The following CDYL variants were observed in gnomAD, a reference collection of about 807,000 sequenced individuals.
CDYL encodes the protein chromodomain Y like.
CDYL carries 8 observed loss-of-function variants against 47.3 expected under a neutral mutation model. That is an observed-to-expected ratio of 0.17 (90% CI 0.10 to 0.31). The LOEUF (loss-of-function observed/expected upper bound fraction) is 0.31, where lower values mean the gene tolerates loss of function less well. Ranked by LOEUF, CDYL falls within the 10% of genes least tolerant of loss-of-function variation. The probability of loss-of-function intolerance (pLI) is 1.00; values close to 1 mark genes in which losing one functional copy is unlikely to be tolerated. For missense variants in CDYL, 471 were observed against 701.4 expected, an observed-to-expected ratio of 0.67 and a Z score of 3.71; for synonymous variants, 266 against 265.0, an observed-to-expected ratio of 1.00 and a Z score of -0.04.
At chr6:4,875,592 A>G (rs917652309) in intron 1 of CDYL, among the ~76,000 whole-genome samples, 4 of 152,350 alleles carry the variant, frequency 2.6e-5, no homozygotes, top group Admixed American at 2.0e-4. Flanking sequence ...CAACTACTAT[A>G]TAAACATACA....
chr6:4,726,656 AC>A (rs1431651795), intron 2 of CDYL, among the ~76,000 whole-genome samples: 1 of 151,786 alleles, frequency 6.6e-6, no homozygotes, highest in Non-Finnish European at 1.5e-5. Flanking sequence ...AGATGGCATC[AC>A]TGCCTTCTAG....
At chr6:4,916,427 T>C (rs989771130) in intron 2 of CDYL, among the ~76,000 whole-genome samples, 1 of 152,224 alleles carries the variant, frequency 6.6e-6, no homozygotes, top group African/African-American at 2.4e-5. Flanking sequence ...CTCAAAGAAC[T>C]CATGAGATGA....
At chr6:4,788,167 C>T (rs968948390) in intron 1 of CDYL, among the ~76,000 whole-genome samples, 1 of 151,988 alleles carries the variant, frequency 6.6e-6, no homozygotes, top group Non-Finnish European at 1.5e-5. Context: ...AGGAAAGGGA[C>T]ATGACTTGGG....
At chr6:4,766,554 T>G (rs1464011362) in intron 3 of CDYL, among the ~76,000 whole-genome samples, 1 of 152,140 alleles carries the variant, frequency 6.6e-6, no homozygotes, top group Non-Finnish European at 1.5e-5. Flanking sequence ...TAATTTAAAG[T>G]CTTCCAGTAA....
chr6:4,789,476 C>G (rs998832311), intron 1 of CDYL, among the ~76,000 whole-genome samples: 4 of 152,102 alleles, frequency 2.6e-5, no homozygotes, highest in Non-Finnish European at 4.4e-5. Flanking sequence ...ATTTCTGTTT[C>G]CCTGGCCCTG....
chr6:4,922,989 C>A (rs536994876), intron 2 of CDYL, among the ~76,000 whole-genome samples: 5 of 152,142 alleles, frequency 3.3e-5, no homozygotes, highest in Admixed American at 3.3e-4. Flanking sequence ...GTACATATTA[C>A]AATTATTATG....
intron 1 of CDYL, among the ~76,000 whole-genome samples, chr6:4,818,329 A>T (rs1759731018): frequency 6.6e-6 from 1 of 152,148 alleles, no homozygotes. Flanking sequence ...TATAAATGGT[A>T]TTGATATTGT....
intron 1 of CDYL, among the ~76,000 whole-genome samples, chr6:4,864,873 C>G (rs1761275106): frequency 6.6e-6 from 1 of 152,122 alleles, no homozygotes; most frequent in South Asian, 2.1e-4. Context: ...CATGCTAAAG[C>G]TGTAAGGATA....
intron 2 of CDYL, among the ~76,000 whole-genome samples, chr6:4,908,927 G>A (rs974910627): frequency 2.6e-5 from 4 of 152,164 alleles, no homozygotes; most frequent in African/African-American, 9.7e-5. Context: ...GCTGCGTTCT[G>A]CTTACCTGGT....
chr6:4,708,948 A>C (rs1237064358), intron 1 of CDYL, among the ~76,000 whole-genome samples: 7 of 152,170 alleles, frequency 4.6e-5, no homozygotes. Context: ...CAGAGGTTGC[A>C]GTGAGCCAAG....
At chr6:4,723,672 G>A (rs1757418897) in intron 2 of CDYL, among the ~76,000 whole-genome samples, 1 of 152,156 alleles carries the variant, frequency 6.6e-6, no homozygotes, top group Admixed American at 6.5e-5. Context: ...AGAGGAAGGG[G>A]GCTTGTTGAT....
chr6:4,854,497 C>G (rs961915648), intron 1 of CDYL, among the ~76,000 whole-genome samples: 3 of 152,172 alleles, frequency 2.0e-5, no homozygotes, highest in Non-Finnish European at 4.4e-5. Flanking sequence ...GCTTGGTCAC[C>G]TGGGAGCTCT....
intron 2 of CDYL, among the ~76,000 whole-genome samples, chr6:4,903,356 G>A (rs199796030): frequency 3.3e-5 from 5 of 152,168 alleles, no homozygotes; most frequent in South Asian, 2.1e-4. Flanking sequence ...AAGACATTTC[G>A]TCCTAGTTTT....
chr6:4,940,618 T>G (rs1308195188), intron 4 of CDYL, among the ~76,000 whole-genome samples: 1 of 152,256 alleles, frequency 6.6e-6, no homozygotes, highest in South Asian at 2.1e-4. Flanking sequence ...TTCTGCACCT[T>G]TGTGGTTAGA....
intron 1 of CDYL, among the ~76,000 whole-genome samples, chr6:4,799,714 A>G (rs1422259291): frequency 6.6e-6 from 1 of 152,206 alleles, no homozygotes; most frequent in East Asian, 1.9e-4. Flanking sequence ...CTGAGATTAC[A>G]GAGCATGAGC....
intron 3 of CDYL, among the ~76,000 whole-genome samples, chr6:4,742,196 A>T (rs947404723): frequency 3.3e-5 from 5 of 152,020 alleles, no homozygotes; most frequent in Non-Finnish European, 5.9e-5. Context: ...TCTACAAAAA[A>T]TAAAAAATAA....
intron 3 of CDYL, among the ~76,000 whole-genome samples, chr6:4,754,225 T>C (rs1412114941): frequency 6.6e-6 from 1 of 152,200 alleles, no homozygotes; most frequent in Non-Finnish European, 1.5e-5. Flanking sequence ...CTTGAATCAG[T>C]CTTTAAGCAA....
intron 5 of CDYL, among the ~76,000 whole-genome samples, chr6:4,950,082 G>C (rs772252743): frequency 2.6e-5 from 4 of 152,182 alleles, no homozygotes; most frequent in Non-Finnish European, 5.9e-5. Flanking sequence ...GCCGTTCTCG[G>C]CTGGTATCAG....
chr6:4,859,759 T>C (rs1761110700), intron 1 of CDYL, among the ~76,000 whole-genome samples: 1 of 152,120 alleles, frequency 6.6e-6, no homozygotes, highest in South Asian at 2.1e-4. Context: ...CAGCACCAGC[T>C]CTCCTGGCTC....
Sources: gnomAD v4.1 joint callset for allele counts (sites outside exome capture counted in the v4.1 genomes callset) on GRCh38, gnomAD v4.1.1 for gene constraint, MANE v1.5 for transcripts, NCBI Gene and HGNC (gene_info 2026-07-23, HGNC 2026-07-21) for gene names.